Variants in THSD4 observed in about 807,000 individuals in gnomAD.
THSD4 encodes thrombospondin type 1 domain containing 4.
A neutral mutation model predicts 119.0 loss-of-function variants in THSD4; 69 were observed. That is an observed-to-expected ratio of 0.58 (90% confidence interval 0.48 to 0.71). The LOEUF (loss-of-function observed/expected upper bound fraction) is 0.71. Among genes scored for constraint, THSD4 ranks in the 30% least tolerant of loss-of-function variants. The pLI, the probability that THSD4 is intolerant of heterozygous loss-of-function variation, is 0.00. For synonymous variants in THSD4, 524 were observed against 540.4 expected (o/e 0.97, Z 0.42); for missense variants, 1,393 against 1,391.1 (o/e 1.00, Z -0.02).
At chr15:71,399,357 T>G (rs1045933173) in intron 6 of THSD4, among the ~76,000 whole-genome samples, 1 of 152,178 alleles carries the variant, frequency 6.6e-6, no homozygotes, top group African/African-American at 2.4e-5. Flanking sequence ...AAGGTAGGAC[T>G]AAGCCAGTTA....
At chr15:71,161,400 T>C (rs2043248262) in intron 3 of THSD4, among the ~76,000 whole-genome samples, 1 of 152,098 alleles carries the variant, frequency 6.6e-6, no homozygotes, top group South Asian at 2.1e-4. Context: ...ATTGATACAA[T>C]AATATTTGCT....
chr15:71,272,294 G>C (rs567475481), intron 6 of THSD4, among the ~76,000 whole-genome samples: 1 of 149,180 alleles, frequency 6.7e-6, no homozygotes, highest in African/African-American at 2.5e-5. Context: ...CCAGCTACTC[G>C]GGAGGCCAAA....
chr15:71,295,745 A>G (rs2044854055), intron 6 of THSD4, among the ~76,000 whole-genome samples: 1 of 152,150 alleles, frequency 6.6e-6, no homozygotes, highest in East Asian at 1.9e-4. Flanking sequence ...TAGTAAGTTT[A>G]CCAAGTTGTG....
intron 6 of THSD4, among the ~76,000 whole-genome samples, chr15:71,337,081 A>G (rs1448350625): frequency 1.3e-5 from 2 of 152,188 alleles, no homozygotes; most frequent in Non-Finnish European, 2.9e-5. Context: ...AGGAGGAAAG[A>G]GAAGGACTGT....
intron 7 of THSD4, among the ~76,000 whole-genome samples, chr15:71,657,174 AGAC>A (rs1370102318): frequency 1.1e-4 from 17 of 152,192 alleles, no homozygotes; most frequent in African/African-American, 4.1e-4. Context: ...TGCTCCTGTT[AGAC>A]TCAGATTCCC....
chr15:71,371,929 A>G (rs2046056342), intron 6 of THSD4, among the ~76,000 whole-genome samples: 2 of 152,108 alleles, frequency 1.3e-5, no homozygotes, highest in South Asian at 4.2e-4. Flanking sequence ...TCAGATGTAT[A>G]TCTGGTCTTT....
At chr15:71,468,006 G>A (rs983074549) in intron 7 of THSD4, among the ~76,000 whole-genome samples, 2 of 151,960 alleles carry the variant, frequency 1.3e-5, no homozygotes, top group African/African-American at 4.8e-5. Context: ...CTGTCACCAA[G>A]CCTGGCTAAT....
At chr15:71,668,960 C>G (rs1275999722) in intron 8 of THSD4, among the ~76,000 whole-genome samples, 1 of 152,170 alleles carries the variant, frequency 6.6e-6, no homozygotes, top group Non-Finnish European at 1.5e-5. Context: ...GTACTGCTTC[C>G]ATGAATATCC....
Position 71,215,218 on chromosome 15 carries a change from G to C in THSD4, c.283G>C (p.Ala95Pro). The C allele has an allele frequency of 7.3e-7, 1 of 1,378,858 alleles. No individual in the cohort carries two copies. 85.4% of individuals were successfully genotyped at this position (1,378,858 alleles called of 1,614,324 possible). A position where few individuals can be genotyped will look rare whatever the true frequency, so the allele number is the denominator to read the frequency against. Residue 95 changes from alanine to proline, a missense_variant, in exon 4 of 18, where the codon GCC (alanine) becomes CCC (proline). Coordinates refer to ENST00000261862, the MANE Select transcript of THSD4 (RefSeq NM_024817.3). ...YRLRGGQRPG[A>P]PARAFADHVV... Reference sequence around the variant, plus strand: ...CCTGCGCGGCGGCCAGCGGCCTGGCGCCCCTGCGCGCGCCTTCGCGGACCA... The same window carrying C: ...CCTGCGCGGCGGCCAGCGGCCTGGCCCCCCTGCGCGCGCCTTCGCGGACCA...
At chr15:71,108,958 C>G (rs1249872064) in intron 1 of THSD4, among the ~76,000 whole-genome samples, 1 of 152,206 alleles carries the variant, frequency 6.6e-6, no homozygotes. Flanking sequence ...CACCACTGCA[C>G]TCCAGCCTGG....
At chr15:71,632,518 T>C (rs1011043409) in intron 7 of THSD4, among the ~76,000 whole-genome samples, 4 of 152,366 alleles carry the variant, frequency 2.6e-5, no homozygotes, top group Admixed American at 6.5e-5. Flanking sequence ...CATGTTGGAA[T>C]TGTTAGTTTG....
intron 8 of THSD4, among the ~76,000 whole-genome samples, chr15:71,674,990 A>C (rs1404800188): frequency 6.6e-6 from 1 of 152,218 alleles, no homozygotes; most frequent in Non-Finnish European, 1.5e-5. Flanking sequence ...AACAATAAAT[A>C]TCTAAGGTTT....
chr15:71,672,177 A>G (rs1465477863), intron 8 of THSD4, among the ~76,000 whole-genome samples: 1 of 152,162 alleles, frequency 6.6e-6, no homozygotes, highest in Non-Finnish European at 1.5e-5. Context: ...AGTGGTTTGT[A>G]GTTCTTCTTG....
intron 3 of THSD4, among the ~76,000 whole-genome samples, chr15:71,168,831 T>C (rs1567143940): frequency 6.6e-6 from 1 of 152,166 alleles, no homozygotes; most frequent in Non-Finnish European, 1.5e-5. Flanking sequence ...TGCTGCTATA[T>C]TCAATAAGAA....
chr15:71,771,020 T>G (rs1392936073), intron 16 of THSD4, 44 bp from the exon 17 acceptor site: 6 of 1,602,720 alleles, frequency 3.7e-6, no homozygotes, highest in Non-Finnish European at 5.1e-6. Context: ...GCTGAGCTAT[T>G]GGTCTGCCCA....
chr15:71,150,198 C>T (rs544331290), intron 2 of THSD4, among the ~76,000 whole-genome samples: 4 of 152,274 alleles, frequency 2.6e-5, no homozygotes, highest in South Asian at 2.1e-4. Flanking sequence ...AAATAACACA[C>T]GAGTTGCACA....
intron 7 of THSD4, among the ~76,000 whole-genome samples, chr15:71,472,584 G>A (rs762276461): frequency 3.3e-5 from 5 of 152,074 alleles, no homozygotes; most frequent in Non-Finnish European, 5.9e-5. Flanking sequence ...CTTCTCTAAC[G>A]GGCAGAGTTC....
At chr15:71,459,830 C>T (rs2047402638) in intron 7 of THSD4, among the ~76,000 whole-genome samples, 2 of 152,114 alleles carry the variant, frequency 1.3e-5, no homozygotes, top group Non-Finnish European at 1.5e-5. Flanking sequence ...TTAATACGTT[C>T]TAGGGAGATG....
At chr15:71,203,622 T>G (rs1026165887) in intron 3 of THSD4, among the ~76,000 whole-genome samples, 1 of 152,194 alleles carries the variant, frequency 6.6e-6, no homozygotes, top group Admixed American at 6.5e-5. Flanking sequence ...GCCGAGATTG[T>G]GCTACAGTGC....
Sources: gnomAD v4.1 joint callset for allele counts (sites outside exome capture counted in the v4.1 genomes callset) on GRCh38, gnomAD v4.1.1 for gene constraint, MANE v1.5 for transcripts, NCBI Gene and HGNC (gene_info 2026-07-23, HGNC 2026-07-21) for gene names.